The following MACF1 variants were observed in gnomAD, a reference collection of about 807,000 sequenced individuals.
MACF1 encodes microtubule actin crosslinking factor 1, also known as microtubule-actin cross-linking factor 1.
Under a neutral mutation model 854.8 loss-of-function variants are expected in MACF1, and 193 were observed. The ratio of observed to expected loss-of-function variants is 0.23; its 90% CI spans 0.20 to 0.25. MACF1 has a LOEUF of 0.25. MACF1 is among the 10% of genes least tolerant of loss of function. The pLI is 1.00. For synonymous variants in MACF1, 3,185 were observed against 3,226.7 expected (o/e 0.99, Z 0.44); for missense variants, 7,722 against 8,929.1 (o/e 0.86, Z 5.45).
intron 2 of MACF1, among the ~76,000 whole-genome samples, chr1:39,175,498 C>G (rs1644010728): frequency 6.6e-6 from 1 of 152,204 alleles, no homozygotes; most frequent in Non-Finnish European, 1.5e-5. Flanking sequence ...TAAATAACTT[C>G]ACTTTGGTGT....
At chr1:39,322,492 C>G (rs969498987) in intron 31 of MACF1, 116 bp from the exon 32 acceptor site, 1 of 808,572 alleles carries the variant, frequency 1.2e-6, no homozygotes, top group Non-Finnish European at 2.1e-6. Flanking sequence ...AGTTTGCTAA[C>G]CTCCAGCATG....
At chr1:39,208,561 C>T (rs1160888325) in intron 1 of MACF1, among the ~76,000 whole-genome samples, 1 of 152,104 alleles carries the variant, frequency 6.6e-6, no homozygotes, top group African/African-American at 2.4e-5. Context: ...TCAAGCGATT[C>T]TCATGACTCA....
intron 58 of MACF1, among the ~76,000 whole-genome samples, chr1:39,390,572 C>A (rs1316661200): frequency 1.3e-5 from 2 of 152,178 alleles, no homozygotes; most frequent in African/African-American, 2.4e-5. Context: ...AAACGTAAAC[C>A]CGTGAAGCAG....
chr1:39,357,726 G>C lies in MACF1; in HGVS notation c.11776G>C (p.Asp3926His). The change falls in exon 45 of 101, where the codon GAT (aspartate) becomes CAT (histidine). Residue 3926 changes from aspartate to histidine, a missense_variant. Physicochemically the swap from Asp to His is moderately conservative, Grantham distance 81. Coordinates refer to ENST00000564288, the MANE Select transcript of MACF1 (RefSeq NM_001394062.1). ...AAAGCGGCAAGGAAGCTTCTCAGAGGATGTCATTTCCCACAAAGGAGACTT... is the reference window on the plus strand; with the variant it reads ...AAAGCGGCAAGGAAGCTTCTCAGAGCATGTCATTTCCCACAAAGGAGACTT... Reference protein sequence around the residue: ...LLKRQGSFSEDVISHKGDLRF... With the variant: ...LLKRQGSFSEHVISHKGDLRF... 6.2e-7 allele frequency: 1 copy of C among 1,614,162 alleles called. No homozygotes were observed.
intron 38 of MACF1, among the ~76,000 whole-genome samples, chr1:39,337,954 A>G (rs1646851566): frequency 6.6e-6 from 1 of 152,068 alleles, no homozygotes; most frequent in African/African-American, 2.4e-5. Context: ...TATATTTAGT[A>G]GAGACGGGGT....
At chr1:39,098,655 C>G (rs2148128341) in intron 2 of MACF1, among the ~76,000 whole-genome samples, 1 of 152,270 alleles carries the variant, frequency 6.6e-6, no homozygotes. Flanking sequence ...CGGGAGAGGC[C>G]TAGGGAGAGG....
At chr1:39,443,866 G>A (rs1255755670) in intron 79 of MACF1, among the ~76,000 whole-genome samples, 1 of 152,130 alleles carries the variant, frequency 6.6e-6, no homozygotes, top group African/African-American at 2.4e-5. Flanking sequence ...CAACACAGAT[G>A]TGCTTTCACT....
In MACF1 at chr1:39,186,214, CTGTGTGTG is replaced by C. The variant is rs200739487; in HGVS notation, c.221-44942_221-44935del. On this transcript the variant is annotated intron_variant, in intron 2 of 93. Transcript: ENST00000361689. Reference sequence around the variant, plus strand: ...TCTCTCTCTCTCTCTCTCTCTCTCTCTGTGTGTGTGTGTGTGTGTGTGTGTGTGTGTGT... The same window carrying C: ...TCTCTCTCTCTCTCTCTCTCTCTCTCTGTGTGTGTGTGTGTGTGTGTGTGT... Among the ~76,000 whole-genome samples the C allele has an allele frequency of 7.7e-3, 443 of 57,626 alleles. 5 individuals carry two copies. The highest frequency in any genetic ancestry group is 0.013 in the African/African-American group (274 of 20,494). The allele number at this position is 57,626 out of a possible 152,430, so 37.8% of individuals were successfully genotyped here.
chr1:39,209,574 C>T (rs959583268), intron 1 of MACF1, among the ~76,000 whole-genome samples: 2 of 152,112 alleles, frequency 1.3e-5, no homozygotes, highest in Non-Finnish European at 2.9e-5. Flanking sequence ...CAGCCATAAT[C>T]CCTGGATCCA....
intron 2 of MACF1, among the ~76,000 whole-genome samples, chr1:39,097,302 G>C (rs1196005920): frequency 2.0e-5 from 3 of 152,108 alleles, no homozygotes; most frequent in Admixed American, 2.0e-4. Flanking sequence ...AGAACACACA[G>C]AGCTAGGCTA....
rs1189380000 is a variant in MACF1 at position 39,351,023 on chromosome 1, T to TAAC, written c.11199+6_11199+7insACA. 1 of 1,606,828 alleles carries TAAC rather than the reference T, an allele frequency of 6.2e-7. No homozygotes were observed. On this transcript the variant is annotated splice_donor_region_variant and intron_variant, in intron 43 of 100. Coordinates refer to ENST00000564288, the MANE Select transcript of MACF1 (RefSeq NM_001394062.1). ...TTACAGCAGGAGACTGAAAAGGTAA[T>TAAC]AGACTGCTATGACGCTTGATATTTT...
At chr1:39,362,085 A>G (rs1438171003) in intron 49 of MACF1, among the ~76,000 whole-genome samples, 2 of 152,238 alleles carry the variant, frequency 1.3e-5, no homozygotes, top group Non-Finnish European at 2.9e-5. Flanking sequence ...AGGAAATGTA[A>G]TCTCACCACT....
intron 58 of MACF1, chr1:39,411,082 G>A (rs552961399): frequency 1.2e-6 from 2 of 1,613,570 alleles, no homozygotes; most frequent in Non-Finnish European, 1.7e-6. Context: ...AGGCTTCAGT[G>A]AGAAGCAGCA....
chr1:39,348,135 C>T (rs1433109932), intron 41 of MACF1, among the ~76,000 whole-genome samples: 1 of 152,080 alleles, frequency 6.6e-6, no homozygotes, highest in African/African-American at 2.4e-5. Context: ...GTAGTTGGTG[C>T]CATATGTCCT....
rs564478905 is a variant in MACF1 at position 39,120,183 on chromosome 1, C to T, written c.220+35745C>T. On this transcript the variant is annotated intron_variant, in intron 2 of 93. Transcript: ENST00000361689. ...ACAGGCGTGAGCCACCGCACCTGGC[C>T]AATAAAGCCTCTTTATACCATTTTC... is the stretch of plus-strand genomic sequence containing the variant. 8.5e-4 allele frequency among the ~76,000 whole-genome samples: 129 copies of T among 151,966 alleles called. 1 individual carries two copies. The highest frequency in any genetic ancestry group is 2.9e-3 in the African/African-American group (122 of 41,392).
intron 2 of MACF1, among the ~76,000 whole-genome samples, chr1:39,157,415 T>C (rs1210735974): frequency 6.6e-6 from 1 of 152,186 alleles, no homozygotes; most frequent in Non-Finnish European, 1.5e-5. Flanking sequence ...TGCAGAGCAG[T>C]GTATTTGGTA....
At chr1:39,121,076 T>C (rs1642695968) in intron 2 of MACF1, 1 of 152,246 alleles carries the variant, frequency 6.6e-6, no homozygotes, top group African/African-American at 2.4e-5. Flanking sequence ...TAGAGGTTTT[T>C]ATTTGTGTAT....
Position 39,332,570 on chromosome 1 carries a change from CA to C in MACF1, c.5983del (p.Arg1995GlufsTer31). 1 of 1,614,070 alleles carries C rather than the reference CA, an allele frequency of 6.2e-7. No homozygotes were observed. Among genetic ancestry groups the C allele is most frequent in the Non-Finnish European group, 8.5e-7 (1 of 1,180,020 alleles). On this transcript the variant is annotated frameshift_variant, in exon 37 of 101. Transcript: ENST00000564288. LOFTEE classifies it high-confidence loss of function. ...AAGAGCTGATGGAGACACTAACATCCAGAGATGAGTATCAAACAAGTCCTCC... is the reference window on the plus strand; with the variant it reads ...AAGAGCTGATGGAGACACTAACATCCGAGATGAGTATCAAACAAGTCCTCC... ...DKELMETLTS[R>X]DEYQTSPPKV...
At chr1:39,242,479 G>A (rs1000126537) in intron 2 of MACF1, among the ~76,000 whole-genome samples, 3 of 151,948 alleles carry the variant, frequency 2.0e-5, no homozygotes, top group African/African-American at 7.3e-5. Context: ...ATGGCTGGGT[G>A]TGATGGATCA....
Sources: gnomAD v4.1 joint callset for allele counts (sites outside exome capture counted in the v4.1 genomes callset) on GRCh38, gnomAD v4.1.1 for gene constraint, MANE v1.5 for transcripts, NCBI Gene and HGNC (gene_info 2026-07-23, HGNC 2026-07-21) for gene names.